Variants in RGS6 observed in about 807,000 individuals in gnomAD.
RGS6 encodes the protein regulator of G-protein signaling 6.
RGS6 carries 30 observed loss-of-function variants against 78.5 expected under a neutral mutation model. The ratio of observed to expected loss-of-function variants is 0.38; its 90% CI spans 0.29 to 0.52. RGS6 has a LOEUF of 0.52. RGS6 is among the 20% of genes least tolerant of loss of function. The pLI, the probability that RGS6 is intolerant of heterozygous loss-of-function variation, is 0.85. For missense variants in RGS6, 495 were observed against 609.7 expected, an observed-to-expected ratio of 0.81 and a Z score of 1.98; for synonymous variants, 206 against 206.0, an observed-to-expected ratio of 1.00 and a Z score of 0.00.
intron 2 of RGS6, among the ~76,000 whole-genome samples, chr14:72,217,354 G>T (rs973111146): frequency 3.9e-5 from 6 of 152,176 alleles, no homozygotes; most frequent in African/African-American, 7.2e-5. Flanking sequence ...CAGGAAGACT[G>T]CCTGGATATT....
intron 1 of RGS6, among the ~76,000 whole-genome samples, chr14:71,957,372 G>A (rs2877773): frequency 0.94 from 142,959 of 152,074 alleles, 67,292 homozygotes; most frequent in East Asian, 0.99. Flanking sequence ...TTGAAGGAGC[G>A]GTGGAGAGCC....
chr14:72,274,317 A>T (rs932038655), intron 2 of RGS6, among the ~76,000 whole-genome samples: 2 of 152,172 alleles, frequency 1.3e-5, no homozygotes, highest in Admixed American at 6.5e-5. Context: ...ACTCAGGTGC[A>T]TACCCCTGGG....
chr14:72,436,142 G>A (rs1009941262), intron 3 of RGS6, among the ~76,000 whole-genome samples: 8 of 152,336 alleles, frequency 5.3e-5, no homozygotes, highest in African/African-American at 1.7e-4. Flanking sequence ...TGGCCTTGCG[G>A]ATGGAAGTCA....
At chr14:72,471,744 G>T (rs1233038198) in intron 8 of RGS6, among the ~76,000 whole-genome samples, 1 of 152,204 alleles carries the variant, frequency 6.6e-6, no homozygotes, top group Non-Finnish European at 1.5e-5. Context: ...GGGGATAGGC[G>T]GGTACCAGGC....
chr14:72,279,556 A>G (rs2061248021), intron 2 of RGS6, among the ~76,000 whole-genome samples: 1 of 152,220 alleles, frequency 6.6e-6, no homozygotes, highest in African/African-American at 2.4e-5. Context: ...AGCCACGTTG[A>G]CATGCTACAA....
chr14:72,570,931 C>A (rs1248222691), downstream of RGS6, among the ~76,000 whole-genome samples: 2 of 152,138 alleles, frequency 1.3e-5, no homozygotes, highest in African/African-American at 4.8e-5. Context: ...GAACCTGAGT[C>A]TTTAGACATG....
At chr14:72,316,879 G>A (rs1159757350) in intron 2 of RGS6, among the ~76,000 whole-genome samples, 1 of 148,128 alleles carries the variant, frequency 6.8e-6, no homozygotes, top group Non-Finnish European at 1.5e-5. Context: ...TAGGTATAGA[G>A]AATTGAAAGC....
At chr14:72,065,894 G>A (rs1265270516) in intron 2 of RGS6, among the ~76,000 whole-genome samples, 1 of 151,644 alleles carries the variant, frequency 6.6e-6, no homozygotes, top group Non-Finnish European at 1.5e-5. Flanking sequence ...CTAGCATTAG[G>A]TATATCTCCC....
chr14:71,992,046 A>T (rs2153187829), intron 2 of RGS6, among the ~76,000 whole-genome samples: 1 of 142,920 alleles, frequency 7.0e-6, no homozygotes, highest in African/African-American at 2.6e-5. Context: ...TTTGAGACAG[A>T]GTGAGACAGA....
intron 3 of RGS6, among the ~76,000 whole-genome samples, chr14:72,391,162 G>C (rs1407268864): frequency 6.6e-6 from 1 of 152,224 alleles, no homozygotes; most frequent in Non-Finnish European, 1.5e-5. Context: ...ATGCATGAAT[G>C]TGTTAATTGT....
chr14:72,152,164 T>C (rs907675285), intron 2 of RGS6, among the ~76,000 whole-genome samples: 2 of 151,906 alleles, frequency 1.3e-5, no homozygotes, highest in African/African-American at 2.4e-5. Context: ...ATCAGGCTGC[T>C]TGCTAAATTG....
At position 71,954,432 on chromosome 14, in the gene RGS6, A is replaced by T. The variant is rs185642423; in HGVS notation, c.-20-10340A>T. Among the ~76,000 whole-genome samples, 7 of 152,068 alleles carry T rather than the reference A, an allele frequency of 4.6e-5. No homozygotes were observed. In the East Asian group the frequency reaches 1.4e-3, roughly 29 times the overall value. ...CTTTCAAGCTCATGGAGTCTTAAAAAATTTCTTAAATTTTTAATTTTTATG... is the reference window on the plus strand; with the variant it reads ...CTTTCAAGCTCATGGAGTCTTAAAATATTTCTTAAATTTTTAATTTTTATG... On this transcript the variant is annotated intron_variant, in intron 1 of 17. Coordinates refer to ENST00000553525, the MANE Select transcript of RGS6 (RefSeq NM_001204424.2).
intron 12 of RGS6, among the ~76,000 whole-genome samples, chr14:72,480,916 G>C (rs2096363737): frequency 6.6e-6 from 1 of 152,224 alleles, no homozygotes; most frequent in Non-Finnish European, 1.5e-5. Flanking sequence ...AGGAGAGGCA[G>C]GAGGGCTGGG....
intron 2 of RGS6, among the ~76,000 whole-genome samples, chr14:72,193,124 G>T (rs1172850781): frequency 6.6e-6 from 1 of 151,988 alleles, no homozygotes; most frequent in Non-Finnish European, 1.5e-5. Flanking sequence ...CTCCCAAGTA[G>T]CTGGGACTAC....
At chr14:72,350,594 C>G (rs2078929357) in intron 2 of RGS6, among the ~76,000 whole-genome samples, 1 of 152,174 alleles carries the variant, frequency 6.6e-6, no homozygotes, top group Non-Finnish European at 1.5e-5. Context: ...CTCCAGAATT[C>G]TCTCTTGTCC....
At chr14:72,428,601 G>T (rs536288393) in intron 3 of RGS6, among the ~76,000 whole-genome samples, 4 of 152,296 alleles carry the variant, frequency 2.6e-5, no homozygotes, top group African/African-American at 9.6e-5. Flanking sequence ...TTCATCAATG[G>T]TCAAATAACT....
chr14:72,504,751 C>A (rs796091811), intron 13 of RGS6, among the ~76,000 whole-genome samples: 2 of 149,004 alleles, frequency 1.3e-5, no homozygotes, highest in African/African-American at 5.0e-5. Flanking sequence ...CCTCTCCTTT[C>A]CTTTCCTTTC....
chr14:71,900,966 G>A, the RGS6 span, among the ~76,000 whole-genome samples: 11 of 152,136 alleles, frequency 7.2e-5, no homozygotes, highest in Admixed American at 6.5e-4. Context: ...GATCATGTGT[G>A]AACTAACTGA....
At chr14:72,323,437 T>TAA (rs1037525162) in intron 2 of RGS6, among the ~76,000 whole-genome samples, 2 of 137,402 alleles carry the variant, frequency 1.5e-5, no homozygotes, top group Admixed American at 7.2e-5. Context: ...TGCAATGCAA[T>TAA]AAAAAAAAAA....
Sources: allele counts gnomAD v4.1 joint callset (sites outside exome capture counted in the v4.1 genomes callset), GRCh38; gene constraint gnomAD v4.1.1; transcripts MANE v1.5; gene names NCBI Gene and HGNC (gene_info 2026-07-23, HGNC 2026-07-21).